The following DIP2B variants were observed in gnomAD, a reference collection of about 807,000 sequenced individuals.
The protein encoded by DIP2B is DIP2 acetate--CoA ligase B (putative), also known as disco-interacting protein 2 homolog B.
DIP2B carries 76 observed loss-of-function variants against 198.0 expected under a neutral mutation model. The ratio of observed to expected loss-of-function variants is 0.38; its 90% CI spans 0.32 to 0.46. DIP2B has a LOEUF of 0.46. DIP2B is among the 20% of genes least tolerant of loss of function. DIP2B has a pLI of 0.99. For synonymous variants in DIP2B, 701 were observed against 739.1 expected (o/e 0.95, Z 0.84); for missense variants, 1,559 against 1,978.4 (o/e 0.79, Z 4.02).
At position 50,748,586 on chromosome 12, in the gene DIP2B, T is replaced by C. The variant is rs1403766642; in HGVS notation, c.*3747T>C. ...GATATACGTTTTTAAATTTAACATC[T>C]GGCTGGACAGTGTTCTATTAACTCA... On this transcript the variant is annotated 3_prime_UTR_variant, in exon 38 of 38. Transcript: ENST00000301180. 2 of 152,694 alleles carry C rather than the reference T, an allele frequency of 1.3e-5. 1 individual carries two copies. The highest frequency in any genetic ancestry group is 2.9e-5 in the Non-Finnish European group (2 of 68,044). 9.5% of individuals were successfully genotyped at this position (152,694 alleles called of 1,614,324 possible).
intron 8 of DIP2B, chr12:50,679,364 C>T (rs1254727004): frequency 3.6e-5 from 6 of 166,252 alleles, no homozygotes; most frequent in African/African-American, 1.4e-4. Context: ...GGGGTCAACC[C>T]TGGGCTATGA....
At chr12:50,590,479 C>T (rs1958809750) in intron 1 of DIP2B, among the ~76,000 whole-genome samples, 1 of 152,112 alleles carries the variant, frequency 6.6e-6, no homozygotes. Context: ...AAGCAATTCT[C>T]TTGCCTCAGC....
At chr12:50,686,491 T>G in intron 11 of DIP2B, 82 bp from the exon 12 acceptor site, 3 of 1,202,524 alleles carry the variant, frequency 2.5e-6, no homozygotes, top group East Asian at 2.5e-5. Context: ...TTTGGTCTCT[T>G]GATATTTAAA....
At chr12:50,663,753 C>G (rs1434495030) in intron 4 of DIP2B, among the ~76,000 whole-genome samples, 1 of 150,746 alleles carries the variant, frequency 6.6e-6, no homozygotes, top group Non-Finnish European at 1.5e-5. Flanking sequence ...GTCTGTTGTT[C>G]CAGCTACTTG....
intron 1 of DIP2B, among the ~76,000 whole-genome samples, chr12:50,613,894 A>G (rs529618821): frequency 6.6e-6 from 1 of 152,338 alleles, no homozygotes; most frequent in South Asian, 2.1e-4. Context: ...GTCCCACTAA[A>G]GTGGTGGCTT....
At chr12:50,675,508 T>C in intron 7 of DIP2B, 60 bp downstream of exon 7, 2 of 1,533,962 alleles carry the variant, frequency 1.3e-6, no homozygotes. Flanking sequence ...AAGCAGTTAC[T>C]ATGTGTTAGG....
At chr12:50,657,837 A>T (rs1938580499) in intron 3 of DIP2B, among the ~76,000 whole-genome samples, 1 of 152,198 alleles carries the variant, frequency 6.6e-6, no homozygotes, top group Admixed American at 6.5e-5. Flanking sequence ...GAGACAGGAC[A>T]ACTAAGTAGG....
At chr12:50,533,561 T>C (rs1958237101) in intron 1 of DIP2B, among the ~76,000 whole-genome samples, 1 of 152,060 alleles carries the variant, frequency 6.6e-6, no homozygotes, top group African/African-American at 2.4e-5. Context: ...CTACAGGAAG[T>C]TGTGGATTCT....
At chr12:50,609,484 TTCA>T (rs1176478397) in intron 1 of DIP2B, among the ~76,000 whole-genome samples, 1 of 152,258 alleles carries the variant, frequency 6.6e-6, no homozygotes, top group Non-Finnish European at 1.5e-5. Context: ...ACCCTGTTCC[TTCA>T]TCATCTACTG....
chr12:50,505,001 TGGCGGC>T lies in DIP2B; in HGVS notation c.-122_-117del, dbSNP rs574938327. ...GTCGCGCTCACGTGACCTTTGCTCA[TGGCGGC>T]GGCGGCGGCGGCGGCGGTGCTGGTG... On this transcript the variant is annotated 5_prime_UTR_variant, in exon 1 of 38. Transcript: ENST00000301180. 1.3e-4 allele frequency: 82 copies of T among 651,046 alleles called. 7 individuals are homozygous for T. Among genetic ancestry groups the T allele is most frequent in the Middle Eastern group, 8.8e-4 (2 of 2,272 alleles). The allele number at this position is 651,046 out of a possible 1,614,324, so 40.3% of individuals were successfully genotyped here.
intron 4 of DIP2B, among the ~76,000 whole-genome samples, chr12:50,663,858 A>AG (rs1938699144): frequency 7.4e-6 from 1 of 134,288 alleles, no homozygotes; most frequent in Non-Finnish European, 1.6e-5. Context: ...AGACAGAGTG[A>AG]GGCCCCATCT....
chr12:50,696,035 T>G (rs1187435128), intron 16 of DIP2B, 68 bp downstream of exon 16: 5 of 1,592,390 alleles, frequency 3.1e-6, no homozygotes, highest in Non-Finnish European at 4.3e-6. Flanking sequence ...TTTCGCCCTG[T>G]ACTAAGATAT....
At chr12:50,690,410 G>A (rs1184682730) in intron 12 of DIP2B, among the ~76,000 whole-genome samples, 4 of 152,106 alleles carry the variant, frequency 2.6e-5, no homozygotes. Flanking sequence ...GTTGAACTGG[G>A]CACAGTGGCA....
intron 1 of DIP2B, among the ~76,000 whole-genome samples, chr12:50,536,057 C>T (rs1368976063): frequency 6.6e-6 from 1 of 151,546 alleles, no homozygotes; most frequent in Non-Finnish European, 1.5e-5. Flanking sequence ...CATAGTATTC[C>T]ATGGTGTATA....
In DIP2B at chr12:50,678,748, T is replaced by G; in HGVS notation, c.986T>G (p.Leu329Ter). The G allele has an allele frequency of 6.2e-7, 1 of 1,614,208 alleles. No individual in the cohort carries two copies. The highest frequency in any genetic ancestry group is 8.5e-7 in the Non-Finnish European group (1 of 1,180,034). Residue 329 changes from leucine to a stop codon, truncating the protein, a stop_gained, in exon 8 of 38, where the codon TTA becomes TGA. Transcript: ENST00000301180. LOFTEE classifies it high-confidence loss of function. ...RQMTPVKGEP[L>*]GVICNWPPAL... The stretch of plus-strand genomic sequence containing the variant: ...ATGACCCCTGTGAAAGGAGAGCCTT[T>G]AGGAGTCATCTGTAACTGGCCTCCT...
chr12:50,686,242 T>G (rs976487364), intron 11 of DIP2B, among the ~76,000 whole-genome samples: 1 of 152,128 alleles, frequency 6.6e-6, no homozygotes, highest in African/African-American at 2.4e-5. Context: ...TGCCGATGGT[T>G]GGAAAAAGCT....
intron 1 of DIP2B, among the ~76,000 whole-genome samples, chr12:50,526,416 A>G (rs1221165947): frequency 1.3e-5 from 2 of 152,120 alleles, no homozygotes; most frequent in Non-Finnish European, 2.9e-5. Context: ...ATATGTGACA[A>G]CTTTCCGTTT....
intron 13 of DIP2B, 114 bp downstream of exon 13, chr12:50,691,265 C>T: frequency 1.1e-6 from 1 of 928,152 alleles, no homozygotes; most frequent in South Asian, 1.7e-5. Context: ...TGAAATGTCC[C>T]AAGACACATT....
At chr12:50,657,427 C>T (rs1407428339) in intron 3 of DIP2B, among the ~76,000 whole-genome samples, 1 of 151,936 alleles carries the variant, frequency 6.6e-6, no homozygotes, top group African/African-American at 2.4e-5. Flanking sequence ...CCAAAGTAAC[C>T]AACTTTGCAA....
Sources: gnomAD v4.1 joint callset for allele counts (sites outside exome capture counted in the v4.1 genomes callset) on GRCh38, gnomAD v4.1.1 for gene constraint, MANE v1.5 for transcripts, NCBI Gene and HGNC (gene_info 2026-07-23, HGNC 2026-07-21) for gene names.